The following ABCA7 variants were observed in gnomAD, a reference collection of about 807,000 sequenced individuals.
The protein encoded by ABCA7 is phospholipid-transporting ATPase ABCA7.
A neutral mutation model predicts 227.6 loss-of-function variants in ABCA7; 261 were observed. The ratio of observed to expected loss-of-function variants is 1.15; its 90% confidence interval spans 1.04 to 1.27. The LOEUF is 1.27. ABCA7 is among the 50% of genes most tolerant of loss of function. The probability of loss-of-function intolerance (pLI) is 0.00; values close to 1 mark genes in which losing one functional copy is unlikely to be tolerated. For missense variants in ABCA7, 3,331 were observed against 2,924.5 expected (o/e 1.14, Z -3.21); for synonymous variants, 1,488 against 1,279.7 (o/e 1.16, Z -3.47).
At position 1,047,193 on chromosome 19, in the gene ABCA7, G is replaced by T. The variant is rs766265339; in HGVS notation, c.1882G>T (p.Val628Phe). ...DILPYSHPGV[V>F]FLFLAAFAVA... The stretch of plus-strand genomic sequence containing the variant: ...CCTCCCCTACAGCCACCCGGGCGTG[G>T]TCTTCCTGTTCTTGGCAGCCTTCGC... Residue 628 changes from valine (V) to phenylalanine (F), a missense_variant, in exon 15 of 47, where the codon GTC becomes TTC. Physicochemically the swap from Val to Phe is conservative, Grantham distance 50 (BLOSUM62 -1). Coordinates refer to ENST00000263094, the MANE Select transcript of ABCA7 (RefSeq NM_019112.4). The T allele has an allele frequency of 6.2e-7, 1 of 1,605,860 alleles. No homozygotes were observed. The highest frequency in any genetic ancestry group is 1.7e-5 in the Admixed American group (1 of 59,682).
Position 1,054,332 on chromosome 19 carries a change from G to A in ABCA7, c.3717G>A (p.Leu1239=), listed in dbSNP as rs1211167782. Residue 1239 remains leucine (L), a synonymous_variant, in exon 27 of 47, where the codon CTG becomes CTA. Transcript: ENST00000263094. The surrounding 1 kb of genome is among the most constrained non-coding windows in gnomAD (Gnocchi z 4.8). Reference sequence around the variant, plus strand: ...TTGCCCGCCGCAGCCGCCGCGGCCTGTTCGCCCAGGTGAGGAGGGCTAGCA... The same window carrying A: ...TTGCCCGCCGCAGCCGCCGCGGCCTATTCGCCCAGGTGAGGAGGGCTAGCA... ...FLLARRSRRG[L]FAQIVLPALF... 1.3e-6 allele frequency: 2 copies of A among 1,597,302 alleles called. No individual in the cohort carries two copies. The highest frequency in any genetic ancestry group is 1.7e-6 in the Non-Finnish European group (2 of 1,177,680).
chr19:1,062,395 C>T (rs1045662354), intron 42 of ABCA7, 82 bp downstream of exon 42: 5 of 1,550,318 alleles, frequency 3.2e-6, no homozygotes, highest in Non-Finnish European at 3.5e-6. Flanking sequence ...GGCCCAATCC[C>T]GCACTCTCTC....
chr19:1,064,589 G>C (rs2042914737), intron 45 of ABCA7: 2 of 488,666 alleles, frequency 4.1e-6, no homozygotes, highest in East Asian at 7.2e-5. Context: ...ATAGGAAAGT[G>C]GGGCGGGGGT....
At chr19:1,045,817 G>A (rs11882000) in intron 12 of ABCA7, among the ~76,000 whole-genome samples, 5,074 of 152,114 alleles carry the variant, frequency 0.033, 265 homozygotes, top group African/African-American at 0.11. Flanking sequence ...TGACTAACTC[G>A]GTGAAACCCT....
Position 1,042,163 on chromosome 19 carries a change from T to C in ABCA7, c.402T>C (p.Ala134=). Residue 134 remains alanine (A), a synonymous_variant, in exon 5 of 47, where the codon GCT becomes GCC. Transcript: ENST00000263094. ...GLGKLIATLR[A]ARSTAQPQPT... Reference sequence around the variant, plus strand: ...GGAAGCTGATCGCCACGCTGAGGGCTGCACGCAGCACGGGTGAGGAGGCCG... The same window carrying C: ...GGAAGCTGATCGCCACGCTGAGGGCCGCACGCAGCACGGGTGAGGAGGCCG... 6.2e-7 allele frequency: 1 copy of C among 1,600,676 alleles called. No individual in the cohort carries two copies. Among genetic ancestry groups the C allele is most frequent in the Non-Finnish European group, 8.5e-7 (1 of 1,179,308 alleles).
chr19:1,042,230 G>A lies in ABCA7; in HGVS notation c.415+54G>A, dbSNP rs1286081336. On this transcript the variant is annotated intron_variant, in intron 5 of 46. Transcript: ENST00000263094. The stretch of plus-strand genomic sequence containing the variant: ...GCTGAGCTCTGAGCCTCAACTTGCC[G>A]GGCCGTGAAATGGGCACAGGGTGGG... 7 of 1,592,198 alleles carry A rather than the reference G, an allele frequency of 4.4e-6. No individual in the cohort carries two copies. In the South Asian group the frequency reaches 5.5e-5, roughly 13 times the overall value.
intron 16 of ABCA7, 120 bp from the exon 17 acceptor site, chr19:1,048,775 C>G: frequency 3.9e-6 from 2 of 515,752 alleles, no homozygotes; most frequent in Non-Finnish European, 6.7e-6. Flanking sequence ...TGCCACTGCA[C>G]TCCAGCCTGG....
chr19:1,042,556 AGT>A, intron 6 of ABCA7, 159 bp downstream of exon 6: 3 of 1,063,004 alleles, frequency 2.8e-6, no homozygotes, highest in Non-Finnish European at 4.2e-6. Context: ...CCCCAGACAG[AGT>A]GTGTCTGACC....
In ABCA7 at chr19:1,046,762, G is replaced by A. The variant is rs2040722686; in HGVS notation, c.1623-40G>A. 4 of 1,519,398 alleles carry A rather than the reference G, an allele frequency of 2.6e-6. No individual in the cohort carries two copies. The African/African-American group carries it at 4.1e-5, about 16-fold the overall frequency. The allele number at this position is 1,519,398 out of a possible 1,614,324, so 94.1% of individuals were successfully genotyped here. A position where few individuals can be genotyped will look rare whatever the true frequency, so the allele number is the denominator to read the frequency against. On this transcript the variant is annotated intron_variant, in intron 13 of 46. Coordinates refer to ENST00000263094, the MANE Select transcript of ABCA7 (RefSeq NM_019112.4). ...GATGGTGGGCGGAGGGGGGGTCTGC[G>A]GAGGGTCTCCAGCCTCCACCCCAGC...
In ABCA7 at chr19:1,043,488, G is replaced by T. The variant is rs753193022; in HGVS notation, c.930+15G>T. 6.2e-6 allele frequency: 10 copies of T among 1,612,806 alleles called. No individual in the cohort carries two copies. The highest frequency in any genetic ancestry group is 1.7e-5 in the Admixed American group (1 of 60,030). ...TCATGGCCCAGGTGGGGGCAGCCTG[G>T]ATGCTGGGGTGGGAGGGTGGTGGCC... is the stretch of plus-strand genomic sequence containing the variant. On this transcript the variant is annotated intron_variant, in intron 9 of 46. Coordinates refer to ENST00000263094, the MANE Select transcript of ABCA7 (RefSeq NM_019112.4).
intron 14 of ABCA7, 60 bp from the exon 15 acceptor site, chr19:1,047,097 G>A: frequency 1.9e-6 from 3 of 1,557,926 alleles, no homozygotes; most frequent in Non-Finnish European, 2.6e-6. Context: ...GGCCCCACGT[G>A]GGTGCGCGCC....
rs1432393071 is a variant in ABCA7 at position 1,048,963 on chromosome 19, C to T, written c.2338C>T (p.Pro780Ser). 2.5e-6 allele frequency: 4 copies of T among 1,609,000 alleles called. No individual in the cohort carries two copies. Among genetic ancestry groups the T allele is most frequent in the Middle Eastern group, 1.7e-4 (1 of 5,870 alleles). ...RRSYWCGPRP[P>S]KSPAPCPTPL... ...GAGCTACTGGTGCGGACCTCGGCCCCCCAAGAGTCCAGCCCCTTGCCCCAC... is the reference window on the plus strand; with the variant it reads ...GAGCTACTGGTGCGGACCTCGGCCCTCCAAGAGTCCAGCCCCTTGCCCCAC... Residue 780 changes from proline (P) to serine (S), a missense_variant, in exon 17 of 47, where the codon CCC becomes TCC. Pro to Ser is a moderately conservative substitution (Grantham distance 74, BLOSUM62 -1). Coordinates refer to ENST00000263094, the MANE Select transcript of ABCA7 (RefSeq NM_019112.4).
intron 7 of ABCA7, 93 bp from the exon 8 acceptor site, chr19:1,042,948 G>T (rs60355457): frequency 1.3e-6 from 2 of 1,512,770 alleles, no homozygotes; most frequent in Non-Finnish European, 1.8e-6. Context: ...ATTAGACAGC[G>T]AGAGGGAGAG....
intron 40 of ABCA7, among the ~76,000 whole-genome samples, chr19:1,060,908 G>C (rs968412020): frequency 1.4e-4 from 21 of 152,140 alleles, no homozygotes; most frequent in Non-Finnish European, 2.8e-4. Flanking sequence ...TACACACAGT[G>C]TGCCAGGAAA....
In ABCA7 at chr19:1,058,806, T is replaced by C. The variant is rs1269362791; in HGVS notation, c.5280-14T>C. The C allele has an allele frequency of 6.3e-7, 1 of 1,588,636 alleles. No homozygotes were observed. The highest frequency in any genetic ancestry group is 8.6e-7 in the Non-Finnish European group (1 of 1,164,726). ...CAAGGACCTACTTTAAGCCCACAGA[T>C]ATTCTGTCCCCAGGCCCAGGGTGAG... On this transcript the variant is annotated splice_polypyrimidine_tract_variant and intron_variant, in intron 38 of 46. Transcript: ENST00000263094.
rs1368361310 is a variant in ABCA7 at position 1,054,246 on chromosome 19, G to A, written c.3631G>A (p.Val1211Ile). ...QGSGPDAVGRVQGWALTRQQL... is the reference protein window; with the variant it reads ...QGSGPDAVGRIQGWALTRQQL... ...CTCTGGGCCAGACGCCGTGGGCCGG[G>A]TACAGGGCTGGGCACTGACCCGCCA... Residue 1211 changes from valine to isoleucine, a missense_variant, in exon 27 of 47, where the codon GTA becomes ATA. Coordinates refer to ENST00000263094, the MANE Select transcript of ABCA7 (RefSeq NM_019112.4). The surrounding 1 kb of genome is among the most constrained non-coding windows in gnomAD (Gnocchi z 4.8). 2 of 1,609,204 alleles carry A rather than the reference G, an allele frequency of 1.2e-6. No homozygotes were observed. Among genetic ancestry groups the A allele is most frequent in the South Asian group, 1.1e-5 (1 of 90,968 alleles).
Position 1,053,696 on chromosome 19 carries a change from G to A in ABCA7, c.3424-92G>A. The A allele has an allele frequency of 3.9e-6, 6 of 1,545,890 alleles. No homozygotes were observed. The African/African-American group carries it at 4.1e-5, about 11-fold the overall frequency. On this transcript the variant is annotated intron_variant, in intron 24 of 46. Transcript: ENST00000263094. Reference sequence around the variant, plus strand: ...CTCAGATGTCCCTTGGGAAGGCCTGGGGGACCCATGGTGTAGGAGGGGTGG... The same window carrying A: ...CTCAGATGTCCCTTGGGAAGGCCTGAGGGACCCATGGTGTAGGAGGGGTGG...
intron 42 of ABCA7, among the ~76,000 whole-genome samples, 160 bp from the exon 43 acceptor site, chr19:1,063,384 C>T (rs1485774773): frequency 2.6e-5 from 4 of 151,942 alleles, no homozygotes; most frequent in African/African-American, 7.3e-5. Context: ...CCGCCCCATA[C>T]TCATGCTGCC....
chr19:1,042,067 CT>C lies in ABCA7; in HGVS notation c.307del (p.Ser103ProfsTer4). On this transcript the variant is annotated frameshift_variant, in exon 5 of 47. Coordinates refer to ENST00000263094, the MANE Select transcript of ABCA7 (RefSeq NM_019112.4). LOFTEE classifies it high-confidence loss of function. ...RLSNFNDSLV[S>X]RLLADARTVL... ...CCTGCCCTCTCTCTGTCCCCAGGGT[CT>C]CCCGGCTGCTAGCCGATGCCCGCAC... 1 of 1,592,262 alleles carries C rather than the reference CT, an allele frequency of 6.3e-7. No homozygotes were observed.
Sources: gnomAD v4.1 joint callset for allele counts (sites outside exome capture counted in the v4.1 genomes callset) on GRCh38, gnomAD v4.1.1 for gene constraint, Gnocchi (gnomAD v3.1) non-coding constraint, MANE v1.5 for transcripts, NCBI Gene and HGNC (gene_info 2026-07-23, HGNC 2026-07-21) for gene names.